LRBA: variants seen among roughly 807,000 people sequenced by gnomAD.
LRBA encodes the protein lipopolysaccharide-responsive and beige-like anchor protein.
In LRBA, 176 loss-of-function variants were observed where a neutral mutation model predicts 330.0. That is an observed-to-expected ratio of 0.53 (90% CI 0.47 to 0.60). LRBA has a LOEUF of 0.60. LRBA is among the 20% of genes least tolerant of loss of function. The pLI, the probability that LRBA is intolerant of heterozygous loss-of-function variation, is 0.00. For synonymous variants in LRBA, 1,230 were observed against 1,193.0 expected (o/e 1.03, Z -0.64); for missense variants, 3,259 against 3,444.8 (o/e 0.95, Z 1.35).
chr4:150,270,837 ATAAAGGCATTT>A (rs755723457), intron 56 of LRBA, among the ~76,000 whole-genome samples: 21 of 152,206 alleles, frequency 1.4e-4, no homozygotes, highest in Non-Finnish European at 2.2e-4. Flanking sequence ...ATATGCAGAG[ATAAAGGCATTT>A]TACATTAAAC....
At chr4:150,823,032 C>T (rs1000229706) in intron 30 of LRBA, among the ~76,000 whole-genome samples, 4 of 152,204 alleles carry the variant, frequency 2.6e-5, no homozygotes, top group Non-Finnish European at 4.4e-5. Flanking sequence ...AGTAATTACA[C>T]TCCCACCAAC....
chr4:150,373,902 G>A (rs747684936), intron 47 of LRBA, among the ~76,000 whole-genome samples: 3 of 152,018 alleles, frequency 2.0e-5, no homozygotes, highest in Non-Finnish European at 4.4e-5. Context: ...AATATGCTAT[G>A]TACTGGTTTT....
chr4:150,642,925 T>C (rs141918890), intron 37 of LRBA, among the ~76,000 whole-genome samples: 71 of 152,024 alleles, frequency 4.7e-4, no homozygotes, highest in African/African-American at 1.6e-3. Flanking sequence ...TAATGTTATA[T>C]TCGCATCATT....
intron 36 of LRBA, among the ~76,000 whole-genome samples, chr4:150,689,551 A>C (rs1318841543): frequency 1.3e-5 from 2 of 152,174 alleles, no homozygotes; most frequent in Admixed American, 6.5e-5. Flanking sequence ...CTATTAAAGA[A>C]ATTGAACTCA....
intron 35 of LRBA, among the ~76,000 whole-genome samples, chr4:150,750,601 C>T (rs1701359602): frequency 6.6e-6 from 1 of 151,754 alleles, no homozygotes; most frequent in Non-Finnish European, 1.5e-5. Flanking sequence ...GTGCATACTA[C>T]CCAATTTTTT....
At chr4:150,575,063 G>C (rs1179405938) in intron 40 of LRBA, among the ~76,000 whole-genome samples, 1 of 151,928 alleles carries the variant, frequency 6.6e-6, no homozygotes, top group Non-Finnish European at 1.5e-5. Context: ...GACTCTTTAT[G>C]ATCCAAAGAT....
intron 15 of LRBA, 26 bp downstream of exon 15, chr4:150,897,713 C>T (rs770352035): frequency 9.3e-6 from 14 of 1,511,488 alleles, no homozygotes; most frequent in South Asian, 2.3e-5. Flanking sequence ...ACACGGTATG[C>T]TATGGAATAA....
At chr4:150,467,934 C>T in intron 43 of LRBA, 149 bp from the exon 44 acceptor site, 2 of 465,664 alleles carry the variant, frequency 4.3e-6, no homozygotes, top group Non-Finnish European at 7.7e-6. Flanking sequence ...TTAATCCTCA[C>T]AACAATCCTA....
At position 150,697,334 on chromosome 4, in the gene LRBA, A is replaced by G. The variant is rs867425053; in HGVS notation, c.5755-13617T>C. 1.2e-3 allele frequency among the ~76,000 whole-genome samples: 172 copies of G among 147,162 alleles called. 8 individuals are homozygous for G. The highest frequency in any genetic ancestry group is 4.0e-3 in the African/African-American group (162 of 40,138). On this transcript the variant is annotated intron_variant, in intron 36 of 56. Transcript: ENST00000651943. ...GTGAGACTTTGTCTCAGAAAAAAAA[A>G]AAAAAAAAAAAAAAAAACAGGGAGA...
At chr4:150,644,230 C>T (rs1778931301) in intron 37 of LRBA, among the ~76,000 whole-genome samples, 1 of 151,850 alleles carries the variant, frequency 6.6e-6, no homozygotes, top group Non-Finnish European at 1.5e-5. Flanking sequence ...ATATAATACA[C>T]ATCAATATTA....
chr4:150,840,167 C>A (rs1389121613), intron 28 of LRBA, among the ~76,000 whole-genome samples: 1 of 152,146 alleles, frequency 6.6e-6, no homozygotes, highest in Non-Finnish European at 1.5e-5. Context: ...TTTATACAGA[C>A]CACTAAAACT....
At chr4:150,596,224 G>A (rs1773469795) in intron 38 of LRBA, among the ~76,000 whole-genome samples, 1 of 151,846 alleles carries the variant, frequency 6.6e-6, no homozygotes, top group East Asian at 1.9e-4. Flanking sequence ...TTTTTAACTA[G>A]AAGGTAGCCA....
Position 150,908,545 on chromosome 4 carries a change from T to C in LRBA, c.1360-78A>G. On this transcript the variant is annotated intron_variant, in intron 10 of 56. Coordinates refer to ENST00000651943, the MANE Select transcript of LRBA (RefSeq NM_001364905.1). ...ATTAAAAATAAGGCACAACAATAAATGCAGAAACACTATAAACGTGACATT... is the reference window on the plus strand; with the variant it reads ...ATTAAAAATAAGGCACAACAATAAACGCAGAAACACTATAAACGTGACATT... The C allele has an allele frequency of 2.7e-6, 4 of 1,467,430 alleles. No homozygotes were observed. The South Asian group carries it at 3.9e-5, about 14-fold the overall frequency. The allele number at this position is 1,467,430 out of a possible 1,614,324, so 90.9% of individuals were successfully genotyped here.
intron 37 of LRBA, among the ~76,000 whole-genome samples, chr4:150,614,885 A>AC (rs1180663367): frequency 2.0e-5 from 3 of 152,242 alleles, no homozygotes; most frequent in African/African-American, 7.2e-5. Flanking sequence ...GAGGCATGAA[A>AC]CTATGGTTAT....
intron 55 of LRBA, among the ~76,000 whole-genome samples, chr4:150,280,170 G>A (rs1456985080): frequency 6.6e-6 from 1 of 152,198 alleles, no homozygotes; most frequent in Non-Finnish European, 1.5e-5. Flanking sequence ...CTGGCGGCAA[G>A]AGCCAGGGTA....
intron 2 of LRBA, among the ~76,000 whole-genome samples, chr4:150,935,193 GAAGAA>G: frequency 7.1e-6 from 1 of 141,734 alleles, no homozygotes; most frequent in East Asian, 2.1e-4. Context: ...AAAAAAAAAA[GAAGAA>G]AAGAAAATAC....
intron 53 of LRBA, among the ~76,000 whole-genome samples, chr4:150,290,798 C>G (rs1276355076): frequency 6.6e-6 from 1 of 151,988 alleles, no homozygotes; most frequent in East Asian, 1.9e-4. Context: ...GCTGCAAATA[C>G]CAGGGCACAT....
At chr4:150,450,705 C>T (rs1358061416) in intron 44 of LRBA, among the ~76,000 whole-genome samples, 1 of 152,040 alleles carries the variant, frequency 6.6e-6, no homozygotes, top group East Asian at 1.9e-4. Context: ...ATAACATGTA[C>T]CCAAAAATAA....
chr4:150,719,545 T>C (rs971640), intron 36 of LRBA, among the ~76,000 whole-genome samples: 24,327 of 152,004 alleles, frequency 0.16, 4,592 homozygotes, highest in African/African-American at 0.46. Flanking sequence ...GTAAGGAATG[T>C]ACCATAAATC....
Sources: gnomAD v4.1 joint callset for allele counts (sites outside exome capture counted in the v4.1 genomes callset) on GRCh38, gnomAD v4.1.1 for gene constraint, MANE v1.5 for transcripts, NCBI Gene and HGNC (gene_info 2026-07-23, HGNC 2026-07-21) for gene names.